The following NRXN1 variants were observed in gnomAD, a reference collection of about 807,000 sequenced individuals.
NRXN1 encodes neurexin 1.
In NRXN1, 39 loss-of-function variants were observed where a neutral mutation model predicts 150.9. That is an observed-to-expected ratio of 0.26 (90% CI 0.20 to 0.34). The LOEUF (loss-of-function observed/expected upper bound fraction) is 0.34, where lower values mean the gene tolerates loss of function less well. NRXN1 is among the 10% of genes least tolerant of loss of function. The pLI is 1.00. For synonymous variants in NRXN1, 924 were observed against 757.0 expected (o/e 1.22, Z -3.62); for missense variants, 1,815 against 1,949.9 (o/e 0.93, Z 1.30).
chr2:51,024,769 A>C (rs1011337216), intron 2 of NRXN1, among the ~76,000 whole-genome samples: 1 of 152,146 alleles, frequency 6.6e-6, no homozygotes, highest in African/African-American at 2.4e-5. Context: ...TAAAATTTTA[A>C]AAGTATTATA....
At chr2:49,942,100 C>G (rs1021869990) in intron 22 of NRXN1, among the ~76,000 whole-genome samples, 1 of 152,076 alleles carries the variant, frequency 6.6e-6, no homozygotes, top group Non-Finnish European at 1.5e-5. Flanking sequence ...TTATCTGTCA[C>G]GACAACCAAG....
At chr2:50,243,949 G>A (rs1463260223) in intron 17 of NRXN1, among the ~76,000 whole-genome samples, 1 of 151,820 alleles carries the variant, frequency 6.6e-6, no homozygotes, top group East Asian at 1.9e-4. Context: ...TGATTCCAAT[G>A]AGGTCAAGAA....
In NRXN1 at chr2:50,931,749, C is replaced by T. The variant is rs1022858867; in HGVS notation, c.773-5794G>A. Among the ~76,000 whole-genome samples, 4 of 152,006 alleles carry T rather than the reference C, an allele frequency of 2.6e-5. No homozygotes were observed. The East Asian group carries it at 7.8e-4, about 29-fold the overall frequency. On this transcript the variant is annotated intron_variant, in intron 2 of 22. Transcript: ENST00000401669. ...TGTCAGTTTATGACTAAATTAATTT[C>T]AAAGTTTTATGAAAATCACTGAAAA...
chr2:50,205,795 C>T (rs975736518), intron 18 of NRXN1, among the ~76,000 whole-genome samples: 1 of 152,026 alleles, frequency 6.6e-6, no homozygotes, highest in African/African-American at 2.4e-5. Flanking sequence ...AATACTGATA[C>T]ATGTTACAAC....
chr2:50,810,471 C>T (rs1016087235), intron 5 of NRXN1, among the ~76,000 whole-genome samples: 4 of 152,072 alleles, frequency 2.6e-5, no homozygotes, highest in African/African-American at 7.2e-5. Context: ...ACTTCAAAAA[C>T]GTTAATCACT....
intron 2 of NRXN1, among the ~76,000 whole-genome samples, chr2:50,990,294 T>C (rs921810507): frequency 2.0e-5 from 3 of 152,004 alleles, no homozygotes; most frequent in African/African-American, 4.8e-5. Flanking sequence ...AGCCCAGTGC[T>C]AAAAAAATCA....
chr2:50,500,653 C>A lies in NRXN1; in HGVS notation c.2498-2939G>T, dbSNP rs74875047. 3.2e-3 allele frequency among the ~76,000 whole-genome samples: 484 copies of A among 152,282 alleles called. 2 individuals carry two copies. Among genetic ancestry groups the A allele is most frequent in the African/African-American group, 0.011 (464 of 41,560 alleles). On this transcript the variant is annotated intron_variant, in intron 13 of 22. Transcript: ENST00000401669. Reference sequence around the variant, plus strand: ...AAAATTTGGAATAAGCAAAATGCCTCTGATCACAATATTTAAGGTATAACA... The same window carrying A: ...AAAATTTGGAATAAGCAAAATGCCTATGATCACAATATTTAAGGTATAACA...
At chr2:49,978,115 T>G (rs62134600) in intron 21 of NRXN1, among the ~76,000 whole-genome samples, 72,578 of 151,834 alleles carry the variant, frequency 0.48, 18,023 homozygotes, top group Middle Eastern at 0.63. Flanking sequence ...TGAGCTGAGA[T>G]TGCACCACCG....
intron 17 of NRXN1, among the ~76,000 whole-genome samples, chr2:50,367,569 T>C (rs1572701116): frequency 1.3e-5 from 2 of 152,022 alleles, no homozygotes; most frequent in East Asian, 3.9e-4. Context: ...GGTTCTAAAT[T>C]GAGGAAACAA....
chr2:49,948,534 G>A (rs1673357343), intron 21 of NRXN1, among the ~76,000 whole-genome samples: 1 of 151,890 alleles, frequency 6.6e-6, no homozygotes, highest in Non-Finnish European at 1.5e-5. Context: ...GAGAATAAAA[G>A]ACCTCAAATC....
intron 18 of NRXN1, among the ~76,000 whole-genome samples, chr2:50,188,590 T>C (rs1329806819): frequency 6.6e-6 from 1 of 151,842 alleles, no homozygotes; most frequent in African/African-American, 2.4e-5. Flanking sequence ...ATAGGTAACC[T>C]ACAGAATGGG....
intron 5 of NRXN1, among the ~76,000 whole-genome samples, chr2:50,676,834 T>C (rs189486073): frequency 1.2e-4 from 19 of 152,308 alleles, no homozygotes; most frequent in African/African-American, 4.6e-4. Flanking sequence ...AAGTCTCTGT[T>C]ACAATTCATT....
intron 8 of NRXN1, among the ~76,000 whole-genome samples, chr2:50,591,435 GATA>G (rs1452825928): frequency 1.4e-5 from 2 of 145,150 alleles, no homozygotes; most frequent in African/African-American, 2.6e-5. Context: ...TAGATAGATA[GATA>G]GATGTATACT....
chr2:50,307,185 T>C (rs2074701355), intron 17 of NRXN1, among the ~76,000 whole-genome samples: 1 of 152,104 alleles, frequency 6.6e-6, no homozygotes, highest in African/African-American at 2.4e-5. Context: ...GAGTTTTACA[T>C]TTTGGCCAGG....
rs116116824 is a variant in NRXN1 at position 49,978,993 on chromosome 2, C to G, written c.4129-35202G>C. On this transcript the variant is annotated intron_variant, in intron 21 of 22. Transcript: ENST00000401669. ...TTTCAAAAATCATCATAGATAACAA[C>G]CAGGGTAAGACTTAGGGGAAGGAGG... Among the ~76,000 whole-genome samples the G allele has an allele frequency of 5.5e-3, 838 of 152,160 alleles. 8 individuals are homozygous for G. Among genetic ancestry groups the G allele is most frequent in the Non-Finnish European group, 9.0e-3 (611 of 67,990 alleles).
chr2:50,359,194 T>C (rs1453670940), intron 17 of NRXN1, among the ~76,000 whole-genome samples: 1 of 151,762 alleles, frequency 6.6e-6, no homozygotes, highest in African/African-American at 2.4e-5. Context: ...CCAGAATTCC[T>C]CTTCTCCTTC....
At chr2:50,208,889 C>A (rs2062811143) in intron 18 of NRXN1, among the ~76,000 whole-genome samples, 1 of 152,090 alleles carries the variant, frequency 6.6e-6, no homozygotes, top group Non-Finnish European at 1.5e-5. Flanking sequence ...TTTGAATAAG[C>A]TTTAATAGAT....
chr2:50,890,492 G>C lies in NRXN1; in HGVS notation c.832+31377C>G, dbSNP rs578054383. Among the ~76,000 whole-genome samples the C allele has an allele frequency of 2.0e-5, 3 of 151,742 alleles. No homozygotes were observed. The East Asian group carries it at 5.8e-4, about 30-fold the overall frequency. ...AAAATTTATTTCAAAGTTTTACTTAGATTTTTTTTAATGTGAATCGTTAGT... is the reference window on the plus strand; with the variant it reads ...AAAATTTATTTCAAAGTTTTACTTACATTTTTTTTAATGTGAATCGTTAGT... On this transcript the variant is annotated intron_variant, in intron 5 of 22. Transcript: ENST00000401669.
intron 2 of NRXN1, among the ~76,000 whole-genome samples, chr2:51,025,366 C>T (rs1048579325): frequency 6.6e-6 from 1 of 152,290 alleles, no homozygotes; most frequent in Non-Finnish European, 1.5e-5. Flanking sequence ...AAATGCATTT[C>T]AGATACATCT....
Sources: gnomAD v4.1 joint callset for allele counts (sites outside exome capture counted in the v4.1 genomes callset) on GRCh38, gnomAD v4.1.1 for gene constraint, MANE v1.5 for transcripts, NCBI Gene and HGNC (gene_info 2026-07-23, HGNC 2026-07-21) for gene names.